Variants in SEMA5A observed in about 807,000 individuals in gnomAD.
The protein encoded by SEMA5A is semaphorin-5A.
Under a neutral mutation model 135.5 loss-of-function variants are expected in SEMA5A, and 55 were observed. The ratio of observed to expected loss-of-function variants is 0.41; its 90% CI spans 0.33 to 0.51. SEMA5A has a LOEUF of 0.51. Ranked by LOEUF, SEMA5A falls within the 20% of genes least tolerant of loss-of-function variation. The pLI, the probability that SEMA5A is intolerant of heterozygous loss-of-function variation, is 0.37. For synonymous variants in SEMA5A, 580 were observed against 546.5 expected, an observed-to-expected ratio of 1.06 and a Z score of -0.85; for missense variants, 1,290 against 1,419.9, an observed-to-expected ratio of 0.91 and a Z score of 1.47.
intron 13 of SEMA5A, among the ~76,000 whole-genome samples, chr5:9,134,359 G>A (rs916714227): frequency 1.3e-5 from 2 of 152,080 alleles, no homozygotes; most frequent in Non-Finnish European, 2.9e-5. Context: ...TGTTGCCCAG[G>A]CTGGTCTCAA....
At chr5:9,087,158 C>A (rs573204422) in intron 16 of SEMA5A, among the ~76,000 whole-genome samples, 46 of 152,304 alleles carry the variant, frequency 3.0e-4, no homozygotes, top group South Asian at 1.7e-3. Context: ...CAGCAATATC[C>A]CTGTTGCTCA....
chr5:9,443,932 A>G (rs1306923052), intron 1 of SEMA5A, among the ~76,000 whole-genome samples: 1 of 152,198 alleles, frequency 6.6e-6, no homozygotes, highest in East Asian at 1.9e-4. Flanking sequence ...GCCAGCCCCA[A>G]CCACTCTTAC....
chr5:9,392,258 C>T (rs1289908000), intron 2 of SEMA5A, among the ~76,000 whole-genome samples: 1 of 152,122 alleles, frequency 6.6e-6, no homozygotes, highest in Non-Finnish European at 1.5e-5. Flanking sequence ...AATTGCTTGA[C>T]TGATACATTT....
intron 5 of SEMA5A, among the ~76,000 whole-genome samples, chr5:9,250,938 C>G (rs892984358): frequency 6.6e-6 from 1 of 152,094 alleles, no homozygotes; most frequent in Non-Finnish European, 1.5e-5. Context: ...TTTTCACATG[C>G]TATGGTTTTA....
Position 9,044,440 on chromosome 5 carries a change from G to T in SEMA5A, c.3038C>A (p.Pro1013His). 1 of 1,613,966 alleles carries T rather than the reference G, an allele frequency of 6.2e-7. No homozygotes were observed. The highest frequency in any genetic ancestry group is 8.5e-7 in the Non-Finnish European group (1 of 1,179,992). ...ATVIHPVSPA[P>H]LNTSITNHIN... Reference sequence around the variant, plus strand: ...GTGGTTGGTTATGCTGGTATTAAGGGGGGCAGGTGAGACGGGGTGGATGAC... The same window carrying T: ...GTGGTTGGTTATGCTGGTATTAAGGTGGGCAGGTGAGACGGGGTGGATGAC... The change falls in exon 22 of 23, where the codon CCC (proline) becomes CAC (histidine). Residue 1013 changes from proline (P) to histidine (H), a missense_variant. By Grantham distance (77) the Pro-to-His change is moderately conservative. Around this residue, in one of 3 missense-constraint regions of SEMA5A, gnomAD observed 1,029 missense variants for 1,086.6 expected, o/e 0.95. Coordinates refer to ENST00000382496, the MANE Select transcript of SEMA5A (RefSeq NM_003966.3).
chr5:9,540,665 G>A (rs1554047095), intron 1 of SEMA5A, among the ~76,000 whole-genome samples: 3 of 152,142 alleles, frequency 2.0e-5, no homozygotes, highest in Non-Finnish European at 4.4e-5. Context: ...CCTGTAAAAG[G>A]AGTCACGGAA....
intron 2 of SEMA5A, among the ~76,000 whole-genome samples, chr5:9,410,215 T>A (rs565706411): frequency 2.9e-4 from 44 of 152,328 alleles, no homozygotes; most frequent in African/African-American, 9.1e-4. Flanking sequence ...TATGATCATG[T>A]AGGTCTATTA....
intron 2 of SEMA5A, among the ~76,000 whole-genome samples, chr5:9,404,252 G>T (rs1393976694): frequency 6.6e-6 from 1 of 152,080 alleles, no homozygotes; most frequent in Non-Finnish European, 1.5e-5. Context: ...GGTTTTAAAA[G>T]AATTACATAT....
At chr5:9,470,790 C>A (rs930831504) in intron 1 of SEMA5A, among the ~76,000 whole-genome samples, 2 of 152,182 alleles carry the variant, frequency 1.3e-5, no homozygotes, top group African/African-American at 4.8e-5. Flanking sequence ...TCAAAGAGCA[C>A]CTCCAGCAAG....
chr5:9,039,492 C>T lies in SEMA5A; in HGVS notation c.*3405G>A, dbSNP rs1735842869. On this transcript the variant is annotated 3_prime_UTR_variant, in exon 23 of 23. Transcript: ENST00000382496. ...TCGTCTCTTTTCAATTCCTTTAGAA[C>T]CTCAGCCCCACACATACATTTATTA... The T allele has an allele frequency of 6.6e-6, 1 of 152,256 alleles. No individual in the cohort carries two copies. Among genetic ancestry groups the T allele is most frequent in the Non-Finnish European group, 1.5e-5 (1 of 68,070 alleles). The allele number at this position is 152,256 out of a possible 1,614,324, so 9.4% of individuals were successfully genotyped here.
At chr5:9,060,653 C>T (rs1465524275) in intron 18 of SEMA5A, among the ~76,000 whole-genome samples, 1 of 152,040 alleles carries the variant, frequency 6.6e-6, no homozygotes, top group Non-Finnish European at 1.5e-5. Context: ...GGAGGAGTCT[C>T]CTGAGGCTGG....
At position 9,325,824 on chromosome 5, in the gene SEMA5A, GA is replaced by G. The variant is rs537262543; in HGVS notation, c.225-7408del. Among the ~76,000 whole-genome samples, 89 of 149,302 alleles carry G rather than the reference GA, an allele frequency of 6.0e-4. 1 individual carries two copies. In the East Asian group the frequency reaches 0.011, roughly 18 times the overall value. On this transcript the variant is annotated intron_variant, in intron 4 of 22. Transcript: ENST00000382496. ...TGATGAATATGACTATAAAATCAAAGAAAAAATTACAAGTTCCTATTGAACG... is the reference window on the plus strand; with the variant it reads ...TGATGAATATGACTATAAAATCAAAGAAAAATTACAAGTTCCTATTGAACG...
At chr5:9,066,195 G>GAACACT (rs1737454481) in intron 17 of SEMA5A, among the ~76,000 whole-genome samples, 2 of 152,102 alleles carry the variant, frequency 1.3e-5, no homozygotes, top group African/African-American at 2.4e-5. Context: ...TGTTATCTGG[G>GAACACT]GGCCTGATTT....
chr5:9,542,147 A>G (rs997207721), intron 1 of SEMA5A, among the ~76,000 whole-genome samples: 1 of 152,198 alleles, frequency 6.6e-6, no homozygotes, highest in African/African-American at 2.4e-5. Context: ...AAAATATGCT[A>G]TATATTTACC....
In SEMA5A at chr5:9,038,011, T is replaced by C. The variant is rs1208436326; in HGVS notation, c.*4886A>G. 1.3e-5 allele frequency: 2 copies of C among 152,192 alleles called. No homozygotes were observed. Among genetic ancestry groups the C allele is most frequent in the Non-Finnish European group, 1.5e-5 (1 of 68,038 alleles). 9.4% of individuals were successfully genotyped at this position (152,192 alleles called of 1,614,324 possible). ...AAAGAAGTAAGGGGCTCAAATGGCA[T>C]CTAGGGTCTGATAAGATAAGCGTAG... On this transcript the variant is annotated 3_prime_UTR_variant, in exon 23 of 23. Transcript: ENST00000382496.
chr5:9,309,492 A>C (rs1432040618), intron 5 of SEMA5A, among the ~76,000 whole-genome samples: 3 of 152,108 alleles, frequency 2.0e-5, no homozygotes, highest in Non-Finnish European at 4.4e-5. Context: ...CAAGGGATGC[A>C]CTTCCTGGCA....
chr5:9,196,480 A>T lies in SEMA5A; in HGVS notation c.1068+688T>A, dbSNP rs73044755. Among the ~76,000 whole-genome samples, 1,066 of 152,328 alleles carry T rather than the reference A, an allele frequency of 7.0e-3. 9 individuals are homozygous for T. The highest frequency in any genetic ancestry group is 0.024 in the African/African-American group (1,005 of 41,576). ...CTAGCTTCTAAAACTGTAAGAAAAT[A>T]AATGCCTCTTTTTTAAGCTACCCAG... is the stretch of plus-strand genomic sequence containing the variant. On this transcript the variant is annotated intron_variant, in intron 10 of 22. Transcript: ENST00000382496.
intron 1 of SEMA5A, chr5:9,517,113 C>G (rs370521470): frequency 6.6e-6 from 1 of 152,212 alleles, no homozygotes; most frequent in South Asian, 2.1e-4. Flanking sequence ...GAAGTACGAT[C>G]TGTTCTTTTC....
intron 5 of SEMA5A, among the ~76,000 whole-genome samples, chr5:9,257,321 A>C (rs1409749469): frequency 1.3e-5 from 2 of 152,198 alleles, no homozygotes; most frequent in African/African-American, 4.8e-5. Context: ...CCTTGGATGG[A>C]AAGTAGCTCA....
Sources: allele counts gnomAD v4.1 joint callset (sites outside exome capture counted in the v4.1 genomes callset), GRCh38; gene constraint gnomAD v4.1.1; regional missense constraint gnomAD v4.1.1; transcripts MANE v1.5; gene names NCBI Gene and HGNC (gene_info 2026-07-23, HGNC 2026-07-21).